The following RBFOX1 variants were observed in gnomAD, a reference collection of about 807,000 sequenced individuals.
The protein encoded by RBFOX1 is RNA binding fox-1 homolog 1.
Under a neutral mutation model 57.7 loss-of-function variants are expected in RBFOX1, and 8 were observed. The observed-to-expected ratio is 0.14, with a 90% CI of 0.08 to 0.25. The LOEUF (loss-of-function observed/expected upper bound fraction) is 0.25. Ranked by LOEUF, RBFOX1 falls within the 10% of genes least tolerant of loss-of-function variation. The probability of loss-of-function intolerance (pLI) is 1.00; values close to 1 mark genes in which losing one functional copy is unlikely to be tolerated. For synonymous variants in RBFOX1, 326 were observed against 222.4 expected, an observed-to-expected ratio of 1.47 and a Z score of -4.15; for missense variants, 611 against 548.5, an observed-to-expected ratio of 1.11 and a Z score of -1.14.
At chr16:5,622,614 C>T (rs1218870385) in intron 3 of RBFOX1, among the ~76,000 whole-genome samples, 4 of 152,200 alleles carry the variant, frequency 2.6e-5, no homozygotes, top group Admixed American at 2.0e-4. Context: ...AGCCCATAGG[C>T]CAAATCCGGC....
At chr16:6,530,786 A>G (rs1248952124) in intron 2 of RBFOX1, among the ~76,000 whole-genome samples, 1 of 147,396 alleles carries the variant, frequency 6.8e-6, no homozygotes, top group East Asian at 2.1e-4. Flanking sequence ...CTTATTCACT[A>G]TCACTAAAAC....
At chr16:7,057,241 A>T (rs939304775) in intron 4 of RBFOX1, among the ~76,000 whole-genome samples, 1 of 152,188 alleles carries the variant, frequency 6.6e-6, no homozygotes, top group Admixed American at 6.5e-5. Flanking sequence ...TATTTAGGAG[A>T]TAACTCCCTC....
chr16:5,451,488 G>T (rs986562289), intron 1 of RBFOX1, among the ~76,000 whole-genome samples: 21 of 152,214 alleles, frequency 1.4e-4, no homozygotes, highest in African/African-American at 5.1e-4. Flanking sequence ...TTTGATGGGG[G>T]AGGTTATTGA....
At chr16:6,565,363 T>G (rs1600037204) in intron 2 of RBFOX1, among the ~76,000 whole-genome samples, 1 of 152,178 alleles carries the variant, frequency 6.6e-6, no homozygotes, top group Middle Eastern at 3.4e-3. Context: ...TTCAAGCTGA[T>G]TCTCCTGCCT....
chr16:6,420,347 T>TC (rs1002484354), intron 2 of RBFOX1, among the ~76,000 whole-genome samples: 1 of 151,870 alleles, frequency 6.6e-6, no homozygotes, highest in African/African-American at 2.4e-5. Context: ...GGGGAGATTT[T>TC]TTTTCCCTAC....
At chr16:7,002,837 G>T (rs773859790) in intron 3 of RBFOX1, among the ~76,000 whole-genome samples, 11 of 152,166 alleles carry the variant, frequency 7.2e-5, no homozygotes, top group Non-Finnish European at 1.2e-4. Flanking sequence ...GGGAAATTAG[G>T]CTGATAGGAG....
At chr16:5,978,979 A>G (rs2060122989) in intron 4 of RBFOX1, among the ~76,000 whole-genome samples, 1 of 152,144 alleles carries the variant, frequency 6.6e-6, no homozygotes, top group Non-Finnish European at 1.5e-5. Context: ...TTACTAAATT[A>G]ATGAGTTATG....
chr16:5,255,354 C>CCATCCCTCCATCCATCCATCCATCCA (rs1555468931), intron 1 of RBFOX1, among the ~76,000 whole-genome samples: 2 of 86,254 alleles, frequency 2.3e-5, no homozygotes, highest in African/African-American at 3.6e-5. Context: ...CCATCCATCC[C>CCATCCCTCCATCCATCCATCCATCCA]TCCATCCATC....
intron 4 of RBFOX1, among the ~76,000 whole-genome samples, chr16:7,514,382 C>A (rs2075881410): frequency 1.3e-5 from 2 of 152,176 alleles, no homozygotes; most frequent in African/African-American, 2.4e-5. Context: ...AGCACATATT[C>A]ACTTGGCAAA....
Position 5,497,662 on chromosome 16 carries a change from C to T in RBFOX1, c.258+30408C>T, listed in dbSNP as rs1044229686. Among the ~76,000 whole-genome samples the T allele has an allele frequency of 4.0e-5, 6 of 149,584 alleles. No homozygotes were observed. The East Asian group carries it at 1.2e-3, about 30-fold the overall frequency. On this transcript the variant is annotated intron_variant, in intron 2 of 2. Transcript: ENST00000585867. ...AAGCTGGGCATGGTGGCACACACTC[C>T]CAGCTGCTTGGGAGGCTGAGGCAGG...
intron 1 of RBFOX1, among the ~76,000 whole-genome samples, chr16:6,116,642 C>G (rs1342241686): frequency 6.6e-6 from 1 of 152,164 alleles, no homozygotes; most frequent in Non-Finnish European, 1.5e-5. Flanking sequence ...TGTATAAATG[C>G]TAGAGTGCCC....
chr16:7,211,302 G>A (rs1019307935), intron 4 of RBFOX1, among the ~76,000 whole-genome samples: 1 of 149,848 alleles, frequency 6.7e-6, no homozygotes. Flanking sequence ...TGAGGCAGGA[G>A]AATGGTGTGA....
At chr16:5,433,637 A>G (rs1042137819) in intron 1 of RBFOX1, among the ~76,000 whole-genome samples, 3 of 152,218 alleles carry the variant, frequency 2.0e-5, no homozygotes, top group Admixed American at 6.5e-5. Flanking sequence ...GTATGCATTT[A>G]TTGCACCCTT....
At chr16:7,363,978 G>T (rs1596492792) in intron 4 of RBFOX1, among the ~76,000 whole-genome samples, 1 of 152,188 alleles carries the variant, frequency 6.6e-6, no homozygotes, top group African/African-American at 2.4e-5. Flanking sequence ...GACATTTGAG[G>T]GGAAATATTT....
chr16:5,670,219 G>T (rs2049977068), intron 3 of RBFOX1, among the ~76,000 whole-genome samples: 1 of 152,136 alleles, frequency 6.6e-6, no homozygotes, highest in African/African-American at 2.4e-5. Flanking sequence ...CGGGTCTGAG[G>T]TTTCCTTGTA....
intron 2 of RBFOX1, among the ~76,000 whole-genome samples, chr16:6,433,852 T>C (rs2094163420): frequency 6.8e-6 from 1 of 146,094 alleles, no homozygotes; most frequent in African/African-American, 2.7e-5. Context: ...TTTTCTTTTT[T>C]TTTTTTTTTT....
rs185675038 is a variant in RBFOX1, at chr16:7,508,408, C to T, written c.28-9739C>T. 5.1e-4 allele frequency among the ~76,000 whole-genome samples: 78 copies of T among 152,282 alleles called. No homozygotes were observed. In the East Asian group the frequency reaches 9.1e-3, roughly 18 times the overall value. ...GGTTGAAGGACAGAAGTTGGCCTCT[C>T]AGTTGAGGACAAGAGCTTATGGTTT... On this transcript the variant is annotated intron_variant, in intron 4 of 15. Coordinates refer to ENST00000550418, the MANE Select transcript of RBFOX1 (RefSeq NM_018723.4).
At position 6,788,080 on chromosome 16, in the gene RBFOX1, G is replaced by C. The variant is rs371661816; in HGVS notation, c.-16+133430G>C. ...TCTACTAAAAATACAAAATTTGGCAGGTGTGGTGGCGCATGCCTGTAATCC... is the reference window on the plus strand; with the variant it reads ...TCTACTAAAAATACAAAATTTGGCACGTGTGGTGGCGCATGCCTGTAATCC... On this transcript the variant is annotated intron_variant, in intron 3 of 15. Transcript: ENST00000550418. Among the ~76,000 whole-genome samples, 18 of 152,246 alleles carry C rather than the reference G, an allele frequency of 1.2e-4. 1 individual carries two copies. The East Asian group carries it at 2.7e-3, about 23-fold the overall frequency.
intron 3 of RBFOX1, among the ~76,000 whole-genome samples, chr16:7,020,745 A>T (rs2038761742): frequency 6.6e-6 from 1 of 152,122 alleles, no homozygotes; most frequent in South Asian, 2.1e-4. Context: ...TCTGAGAACC[A>T]TGAGCTCAGT....
Sources: gnomAD v4.1 joint callset for allele counts (sites outside exome capture counted in the v4.1 genomes callset) on GRCh38, gnomAD v4.1.1 for gene constraint, MANE v1.5 for transcripts, NCBI Gene and HGNC (gene_info 2026-07-23, HGNC 2026-07-21) for gene names.